KCNAB1: variants seen among roughly 807,000 people sequenced by gnomAD.
KCNAB1 encodes the protein potassium voltage-gated channel subfamily A regulatory beta subunit 1, also known as voltage-gated potassium channel subunit beta-1.
A neutral mutation model predicts 64.6 loss-of-function variants in KCNAB1; 35 were observed. The observed-to-expected ratio is 0.54, with a 90% confidence interval of 0.41 to 0.72. The LOEUF (loss-of-function observed/expected upper bound fraction) is 0.72, where lower values mean the gene tolerates loss of function less well. Ranked by LOEUF, KCNAB1 falls within the 30% of genes least tolerant of loss-of-function variation. The pLI is 0.00. For missense variants in KCNAB1, 401 were observed against 512.9 expected (o/e 0.78, Z 2.11); for synonymous variants, 177 against 183.8 (o/e 0.96, Z 0.30).
upstream of KCNAB1, chr3:156,118,218 C>G: frequency 2.6e-6 from 1 of 386,184 alleles, no homozygotes; most frequent in Non-Finnish European, 5.2e-6. Context: ...CAGTTGCAGT[C>G]AGATGTTGGC....
intron 1 of KCNAB1, among the ~76,000 whole-genome samples, chr3:156,383,428 T>C (rs1200074340): frequency 1.3e-5 from 2 of 152,160 alleles, no homozygotes; most frequent in East Asian, 3.9e-4. Context: ...CTAAACTCCT[T>C]AGCACTGTAA....
chr3:156,159,866 CTGT>C (rs1715972242), intron 1 of KCNAB1, among the ~76,000 whole-genome samples: 2 of 152,224 alleles, frequency 1.3e-5, no homozygotes, highest in African/African-American at 4.8e-5. Flanking sequence ...TGAGCACCAG[CTGT>C]GCCCTGGGCA....
intron 1 of KCNAB1, among the ~76,000 whole-genome samples, chr3:156,331,103 A>G (rs913782511): frequency 1.3e-5 from 2 of 152,168 alleles, no homozygotes; most frequent in African/African-American, 2.4e-5. Flanking sequence ...CTCCTTGTCC[A>G]TCACTGATAA....
intron 1 of KCNAB1, among the ~76,000 whole-genome samples, chr3:156,284,161 C>T (rs1719929318): frequency 6.6e-6 from 1 of 152,126 alleles, no homozygotes; most frequent in African/African-American, 2.4e-5. Flanking sequence ...GGTGTCCTTT[C>T]TGTTTGTTAG....
chr3:156,457,362 A>C, intron 3 of KCNAB1, 91 bp from the exon 4 acceptor site: 2 of 1,586,252 alleles, frequency 1.3e-6, no homozygotes, highest in Non-Finnish European at 1.7e-6. Context: ...GTGAGAGGTC[A>C]GTGTTCCTAA....
intron 8 of KCNAB1, among the ~76,000 whole-genome samples, chr3:156,480,901 C>G (rs950312398): frequency 6.6e-6 from 1 of 152,096 alleles, no homozygotes; most frequent in South Asian, 2.1e-4. Context: ...TATTGACTAG[C>G]TGGATGAATG....
chr3:156,274,741 A>G (rs1719243917), intron 1 of KCNAB1, among the ~76,000 whole-genome samples: 1 of 152,226 alleles, frequency 6.6e-6, no homozygotes, highest in African/African-American at 2.4e-5. Context: ...TGACAAGTAA[A>G]ATTACGTACA....
chr3:156,255,509 G>A (rs1381976805), intron 1 of KCNAB1, among the ~76,000 whole-genome samples: 2 of 152,038 alleles, frequency 1.3e-5, no homozygotes, highest in African/African-American at 4.8e-5. Flanking sequence ...TTCCTGCTTT[G>A]ACCCGAGCCT....
chr3:156,326,529 A>G (rs1378100553), intron 1 of KCNAB1, among the ~76,000 whole-genome samples: 1 of 152,134 alleles, frequency 6.6e-6, no homozygotes, highest in East Asian at 1.9e-4. Flanking sequence ...TCCTTCAGCA[A>G]TGTGGTCTAC....
At chr3:156,325,633 G>A (rs1335101526) in intron 1 of KCNAB1, among the ~76,000 whole-genome samples, 2 of 151,564 alleles carry the variant, frequency 1.3e-5, no homozygotes, top group Non-Finnish European at 2.9e-5. Flanking sequence ...TAACATGAAA[G>A]TCTGAGATAT....
At chr3:156,126,264 T>G (rs1221490607) in intron 1 of KCNAB1, among the ~76,000 whole-genome samples, 2 of 152,052 alleles carry the variant, frequency 1.3e-5, no homozygotes, top group Non-Finnish European at 2.9e-5. Flanking sequence ...GCCATTTGAC[T>G]ACTTTGGAGA....
intron 1 of KCNAB1, among the ~76,000 whole-genome samples, chr3:156,362,585 T>C (rs1039348954): frequency 6.6e-6 from 1 of 152,230 alleles, no homozygotes; most frequent in South Asian, 2.1e-4. Context: ...ACTAGTTCAT[T>C]GGTTGATGTG....
intron 1 of KCNAB1, among the ~76,000 whole-genome samples, chr3:156,138,862 C>T (rs1225887716): frequency 6.6e-6 from 1 of 151,688 alleles, no homozygotes; most frequent in Admixed American, 6.6e-5. Flanking sequence ...GTCTGCCCAC[C>T]ACCCAGAGCT....
chr3:156,497,924 C>T (rs1362147692), intron 8 of KCNAB1, among the ~76,000 whole-genome samples: 4 of 152,144 alleles, frequency 2.6e-5, no homozygotes, highest in Non-Finnish European at 4.4e-5. Context: ...TGTGCATGGA[C>T]TGCATATTTA....
At chr3:156,288,526 G>A (rs774829206) in intron 1 of KCNAB1, among the ~76,000 whole-genome samples, 20 of 152,152 alleles carry the variant, frequency 1.3e-4, no homozygotes, top group East Asian at 1.9e-4. Context: ...AGGAATGAGC[G>A]TTTTCTCAGC....
intron 1 of KCNAB1, among the ~76,000 whole-genome samples, chr3:156,173,357 T>TC (rs1712134817): frequency 1.3e-5 from 2 of 151,926 alleles, no homozygotes; most frequent in South Asian, 4.2e-4. Context: ...AAGAAGAGGG[T>TC]CTAAAAAAAC....
At chr3:156,177,683 A>G (rs965769111) in intron 1 of KCNAB1, among the ~76,000 whole-genome samples, 4 of 146,644 alleles carry the variant, frequency 2.7e-5, no homozygotes, top group African/African-American at 1.0e-4. Context: ...GGCCGTTTTT[A>G]ATTTTTTTGA....
intron 1 of KCNAB1, among the ~76,000 whole-genome samples, chr3:156,416,666 A>G (rs1020835534): frequency 9.2e-5 from 14 of 152,348 alleles, no homozygotes; most frequent in African/African-American, 3.4e-4. Flanking sequence ...GCACGAGAGC[A>G]GCAACTATCT....
intron 1 of KCNAB1, among the ~76,000 whole-genome samples, chr3:156,306,474 G>A (rs1475221050): frequency 6.6e-6 from 1 of 152,188 alleles, no homozygotes; most frequent in African/African-American, 2.4e-5. Context: ...AACATGTGGT[G>A]TTCCTCCCTG....
Sources: gnomAD v4.1 joint callset for allele counts (sites outside exome capture counted in the v4.1 genomes callset) on GRCh38, gnomAD v4.1.1 for gene constraint, MANE v1.5 for transcripts, NCBI Gene and HGNC (gene_info 2026-07-23, HGNC 2026-07-21) for gene names.